ZNF652: variants seen among roughly 807,000 people sequenced by gnomAD.
ZNF652 encodes the protein zinc finger protein 652.
Under a neutral mutation model 45.2 loss-of-function variants are expected in ZNF652, and 16 were observed. That is an observed-to-expected ratio of 0.35 (90% confidence interval 0.24 to 0.54). ZNF652 has a LOEUF of 0.54. Among genes scored for constraint, ZNF652 ranks in the 20% least tolerant of loss-of-function variants. The probability of loss-of-function intolerance (pLI) is 0.91; values close to 1 mark genes in which losing one functional copy is unlikely to be tolerated. For missense variants in ZNF652, 614 were observed against 765.6 expected (o/e 0.80, Z 2.34); for synonymous variants, 250 against 260.6 (o/e 0.96, Z 0.39).
At chr17:49,332,155 C>G (rs1189773413) in intron 1 of ZNF652, among the ~76,000 whole-genome samples, 1 of 151,896 alleles carries the variant, frequency 6.6e-6, no homozygotes. Context: ...ATAATCCCAG[C>G]TACTTGGGAG....
Position 49,347,753 on chromosome 17 carries a change from T to G in ZNF652, c.-259+14156A>C, listed in dbSNP as rs1043202890. On this transcript the variant is annotated intron_variant, in intron 1 of 5. Coordinates refer to ENST00000430262, the MANE Select transcript of ZNF652 (RefSeq NM_001145365.3). ...AACCTTGGTTTTGTTTTTTTTTTTTTTTTTTTTTTTGAGACACAGTCACTC... is the reference window on the plus strand; with the variant it reads ...AACCTTGGTTTTGTTTTTTTTTTTTGTTTTTTTTTTGAGACACAGTCACTC... 2.2e-4 allele frequency among the ~76,000 whole-genome samples: 32 copies of G among 144,310 alleles called. 1 individual carries two copies. The East Asian group carries it at 4.0e-3, about 18-fold the overall frequency. 94.7% of individuals were successfully genotyped at this position (144,310 alleles called of 152,430 possible).
At chr17:49,338,049 G>A (rs972638816) in intron 1 of ZNF652, among the ~76,000 whole-genome samples, 2 of 151,768 alleles carry the variant, frequency 1.3e-5, no homozygotes, top group Non-Finnish European at 2.9e-5. Flanking sequence ...GTGCAGTGGC[G>A]CGATCATGAC....
At chr17:49,302,033 C>T (rs2069560012) in intron 5 of ZNF652, among the ~76,000 whole-genome samples, 1 of 152,058 alleles carries the variant, frequency 6.6e-6, no homozygotes, top group Non-Finnish European at 1.5e-5. Flanking sequence ...AGGAGGATTG[C>T]TTAAACCTAG....
rs568501631 is a variant in ZNF652, at chr17:49,343,177, C to T, written c.-259+18732G>A. Among the ~76,000 whole-genome samples the T allele has an allele frequency of 7.2e-5, 11 of 152,198 alleles. No individual in the cohort carries two copies. The East Asian group carries it at 7.7e-4, about 11-fold the overall frequency. ...GATTACAGGCGTGGGCCACCGCATC[C>T]GGCCCACATGTAATTCTTAACTATC... On this transcript the variant is annotated intron_variant, in intron 1 of 5. Transcript: ENST00000430262.
chr17:49,304,781 T>C (rs1454501716), intron 5 of ZNF652, among the ~76,000 whole-genome samples: 1 of 152,062 alleles, frequency 6.6e-6, no homozygotes, highest in Non-Finnish European at 1.5e-5. Context: ...ATTTGGCTAG[T>C]TGTCTTTTGT....
chr17:49,348,606 C>A (rs1278762307), intron 1 of ZNF652, among the ~76,000 whole-genome samples: 1 of 151,896 alleles, frequency 6.6e-6, no homozygotes, highest in Non-Finnish European at 1.5e-5. Flanking sequence ...ACAAACCTAC[C>A]CAATCACTTC....
intron 1 of ZNF652, among the ~76,000 whole-genome samples, chr17:49,361,403 A>C (rs2070391726): frequency 6.6e-6 from 1 of 151,722 alleles, no homozygotes; most frequent in Non-Finnish European, 1.5e-5. Flanking sequence ...CACTGGGGTG[A>C]GTGTGGGGCT....
intron 1 of ZNF652, among the ~76,000 whole-genome samples, chr17:49,333,279 G>T (rs953208948): frequency 6.7e-6 from 1 of 150,108 alleles, no homozygotes; most frequent in African/African-American, 2.4e-5. Context: ...GGATGGTCTC[G>T]ATCTCCCAAC....
chr17:49,360,907 CG>C (rs1342470797), intron 1 of ZNF652, among the ~76,000 whole-genome samples: 3 of 152,128 alleles, frequency 2.0e-5, no homozygotes, highest in African/African-American at 4.8e-5. Flanking sequence ...TGAGGGTCCA[CG>C]GGAGATGCAT....
chr17:49,352,037 C>T (rs768679389), intron 1 of ZNF652, among the ~76,000 whole-genome samples: 1 of 152,124 alleles, frequency 6.6e-6, no homozygotes, highest in Non-Finnish European at 1.5e-5. Flanking sequence ...AGCCAAAAGA[C>T]CCTAAGTTCA....
intron 2 of ZNF652, among the ~76,000 whole-genome samples, chr17:49,314,341 T>C (rs1203863103): frequency 2.6e-5 from 4 of 151,974 alleles, no homozygotes; most frequent in Non-Finnish European, 5.9e-5. Flanking sequence ...TTTGTATTTT[T>C]AGCAGAGATG....
intron 2 of ZNF652, among the ~76,000 whole-genome samples, chr17:49,315,170 T>C (rs1336911870): frequency 6.6e-6 from 1 of 151,650 alleles, no homozygotes; most frequent in Admixed American, 6.6e-5. Flanking sequence ...GCCTCCTGAG[T>C]AGCTGGGATT....
At position 49,317,625 on chromosome 17, in the gene ZNF652, G is replaced by C; in HGVS notation, c.101C>G (p.Ser34Cys). The part of the protein sequence containing the change: ...QEDSRRGQVP[S>C]SFYHGANQEL... The stretch of plus-strand genomic sequence containing the variant: ...TTGGTTGGCACCATGATAAAAGGAA[G>C]ATGGCACTTGACCACGACGGCTATC... Residue 34 changes from serine (S) to cysteine (C), a missense_variant, in exon 2 of 6, where the codon TCT (serine) becomes TGT (cysteine). Physicochemically the swap from Ser to Cys is moderately radical, Grantham distance 112 (BLOSUM62 -1). Transcript: ENST00000430262. The C allele has an allele frequency of 1.2e-6, 2 of 1,614,110 alleles. No homozygotes were observed. Among genetic ancestry groups the C allele is most frequent in the Non-Finnish European group, 1.7e-6 (2 of 1,179,974 alleles).
At position 49,290,897 on chromosome 17, in the gene ZNF652, G is replaced by C. The variant is rs1184747887; in HGVS notation, c.*7516C>G. 6.6e-6 allele frequency: 1 copy of C among 152,166 alleles called. No homozygotes were observed. Among genetic ancestry groups the C allele is most frequent in the African/African-American group, 2.4e-5 (1 of 41,440 alleles). 9.4% of individuals were successfully genotyped at this position (152,166 alleles called of 1,614,324 possible). On this transcript the variant is annotated 3_prime_UTR_variant, in exon 6 of 6. Coordinates refer to ENST00000430262, the MANE Select transcript of ZNF652 (RefSeq NM_001145365.3). ...TTAGAAGGTTGAGAATAAAGCTAAC[G>C]TACTTTATTGCTCCCTTGTGGACAA...
chr17:49,294,599 A>G lies in ZNF652; in HGVS notation c.*3814T>C, dbSNP rs2069446795. 1 of 152,234 alleles carries G rather than the reference A, an allele frequency of 6.6e-6. No homozygotes were observed. The highest frequency in any genetic ancestry group is 2.1e-4 in the South Asian group (1 of 4,834). 9.4% of individuals were successfully genotyped at this position (152,234 alleles called of 1,614,324 possible). ...GCAGCAGCCTTTATTAAGGCTAAGGAAGAGTTTATATTTTACTGATAAATC... is the reference window on the plus strand; with the variant it reads ...GCAGCAGCCTTTATTAAGGCTAAGGGAGAGTTTATATTTTACTGATAAATC... On this transcript the variant is annotated 3_prime_UTR_variant, in exon 6 of 6. Transcript: ENST00000430262.
intron 1 of ZNF652, among the ~76,000 whole-genome samples, chr17:49,349,844 C>T (rs2070251309): frequency 6.6e-6 from 1 of 152,156 alleles, no homozygotes; most frequent in South Asian, 2.1e-4. Flanking sequence ...GCAGAACTAT[C>T]TGTGAATGTC....
chr17:49,326,037 T>C (rs561153053), intron 1 of ZNF652, among the ~76,000 whole-genome samples: 25 of 152,090 alleles, frequency 1.6e-4, no homozygotes, highest in African/African-American at 5.8e-4. Flanking sequence ...GAAAAGCATA[T>C]ATGGCAGTAT....
At position 49,298,574 on chromosome 17, in the gene ZNF652, G is replaced by A; in HGVS notation, c.1660C>T (p.Pro554Ser). The part of the protein sequence containing the change: ...PHPFSHLHIH[P>S]HPHHPHHLPI... ...AGGTGGTGTGGGTGGTGAGGGTGTG[G>A]GTGGATGTGCAGGTGTGAGAAGGGG... Residue 554 changes from proline (P) to serine (S), a missense_variant, in exon 6 of 6, where the codon CCA becomes TCA. Transcript: ENST00000430262. 1.2e-6 allele frequency: 2 copies of A among 1,611,836 alleles called. No homozygotes were observed. Among genetic ancestry groups the A allele is most frequent in the African/African-American group, 1.3e-5 (1 of 74,936 alleles).
chr17:49,360,739 G>C (rs2070383604), intron 1 of ZNF652, among the ~76,000 whole-genome samples: 1 of 151,870 alleles, frequency 6.6e-6, no homozygotes, highest in African/African-American at 2.4e-5. Flanking sequence ...TACGGGCCTG[G>C]CCATCCTCTG....
Sources: gnomAD v4.1 joint callset for allele counts (sites outside exome capture counted in the v4.1 genomes callset) on GRCh38, gnomAD v4.1.1 for gene constraint, MANE v1.5 for transcripts, NCBI Gene and HGNC (gene_info 2026-07-23, HGNC 2026-07-21) for gene names.